GNA14: variants seen among roughly 807,000 people sequenced by gnomAD.
The protein encoded by GNA14 is guanine nucleotide-binding protein subunit alpha-14.
GNA14 carries 50 observed loss-of-function variants against 42.0 expected under a neutral mutation model. That is an observed-to-expected ratio of 1.19 (90% CI 0.95 to 1.51). GNA14 has a LOEUF of 1.51. Among genes scored for constraint, GNA14 ranks in the 40% most tolerant of loss-of-function variants. The probability of loss-of-function intolerance (pLI) is 0.00; values close to 1 mark genes in which losing one functional copy is unlikely to be tolerated. For missense variants in GNA14, 473 were observed against 446.2 expected (o/e 1.06, Z -0.54); for synonymous variants, 173 against 163.1 (o/e 1.06, Z -0.46).
In GNA14 at chr9:77,542,262, G is replaced by A. The variant is rs529640090; in HGVS notation, c.125-13009C>T. Among the ~76,000 whole-genome samples, 145 of 152,274 alleles carry A rather than the reference G, an allele frequency of 9.5e-4. 1 individual carries two copies. The highest frequency in any genetic ancestry group is 3.2e-3 in the African/African-American group (134 of 41,564). On this transcript the variant is annotated intron_variant, in intron 1 of 6. Transcript: ENST00000341700. Reference sequence around the variant, plus strand: ...TATGGCACTATGGCTTTGATTTTGGGTGCATGCAGTTAGTCCTTATATGAT... The same window carrying A: ...TATGGCACTATGGCTTTGATTTTGGATGCATGCAGTTAGTCCTTATATGAT...
At chr9:77,442,441 C>G (rs1310588704) in intron 2 of GNA14, among the ~76,000 whole-genome samples, 1 of 152,192 alleles carries the variant, frequency 6.6e-6, no homozygotes, top group Non-Finnish European at 1.5e-5. Flanking sequence ...TAGGGGAAGA[C>G]AGTGCCCAAG....
intron 2 of GNA14, among the ~76,000 whole-genome samples, chr9:77,452,611 G>GTGGTA (rs1835928262): frequency 1.7e-5 from 1 of 59,558 alleles, no homozygotes; most frequent in Non-Finnish European, 2.7e-5. Context: ...GTATGTGTAT[G>GTGGTA]TGTGTGTATG....
chr9:77,551,856 T>C (rs762983524), intron 1 of GNA14, among the ~76,000 whole-genome samples: 1 of 151,990 alleles, frequency 6.6e-6, no homozygotes, highest in Non-Finnish European at 1.5e-5. Context: ...ATAAAGAAAT[T>C]TGGCCAGGCG....
intron 2 of GNA14, among the ~76,000 whole-genome samples, chr9:77,505,315 A>G (rs991734920): frequency 2.6e-5 from 4 of 152,242 alleles, no homozygotes; most frequent in African/African-American, 9.6e-5. Flanking sequence ...AGGCTCTTTG[A>G]ATAACGGCAT....
chr9:77,542,224 C>T lies in GNA14; in HGVS notation c.125-12971G>A, dbSNP rs1280267283. Among the ~76,000 whole-genome samples the T allele has an allele frequency of 2.6e-5, 4 of 151,824 alleles. No homozygotes were observed. In the East Asian group the frequency reaches 5.8e-4, roughly 22 times the overall value. Reference sequence around the variant, plus strand: ...GATATGTACATCTACTTTTTTGTGACGAGATATATATATATGGCACTATGG... The same window carrying T: ...GATATGTACATCTACTTTTTTGTGATGAGATATATATATATGGCACTATGG... On this transcript the variant is annotated intron_variant, in intron 1 of 6. Coordinates refer to ENST00000341700, the MANE Select transcript of GNA14 (RefSeq NM_004297.4).
At chr9:77,622,512 T>G (rs1823942760) in intron 1 of GNA14, among the ~76,000 whole-genome samples, 1 of 152,082 alleles carries the variant, frequency 6.6e-6, no homozygotes, top group East Asian at 1.9e-4. Context: ...CTCATGCTTG[T>G]AATCCCAGCA....
intron 2 of GNA14, among the ~76,000 whole-genome samples, chr9:77,502,309 TG>T (rs998068841): frequency 2.6e-5 from 4 of 152,190 alleles, no homozygotes; most frequent in African/African-American, 9.6e-5. Flanking sequence ...TCATTCAGTT[TG>T]AGATCTTCCT....
intron 2 of GNA14, among the ~76,000 whole-genome samples, chr9:77,516,780 G>C (rs942894295): frequency 6.6e-5 from 10 of 152,306 alleles, no homozygotes; most frequent in African/African-American, 2.2e-4. Context: ...ACCTGGCATG[G>C]GGGTTAGGAA....
Position 77,529,146 on chromosome 9 carries a change from T to C in GNA14, c.232A>G (p.Asn78Asp), listed in dbSNP as rs1837488739. 2 of 1,614,052 alleles carry C rather than the reference T, an allele frequency of 1.2e-6. No individual in the cohort carries two copies. The highest frequency in any genetic ancestry group is 1.7e-6 in the Non-Finnish European group (2 of 1,179,998). ...ATGGCTTGCATGGCGGTGAATATGT[T>C]TTGGTAAACCAGCTTCGTGAACCCC... The part of the protein sequence containing the change: ...RKGFTKLVYQ[N>D]IFTAMQAMIR... The change falls in exon 2 of 7, where the codon AAC (asparagine) becomes GAC (aspartate). Residue 78 changes from asparagine (N) to aspartate (D), a missense_variant. By Grantham distance (23) the Asn-to-Asp change is conservative. Transcript: ENST00000341700.
intron 2 of GNA14, among the ~76,000 whole-genome samples, chr9:77,490,434 G>T (rs1249351910): frequency 6.6e-6 from 1 of 152,264 alleles, no homozygotes; most frequent in Non-Finnish European, 1.5e-5. Context: ...TGGAGCAGGG[G>T]GCAGCATTCG....
At position 77,434,489 on chromosome 9, in the gene GNA14, C is replaced by G; in HGVS notation, c.343G>C (p.Asp115His). ...NAQIIREVEVDKVSMLSREQV... is the reference protein window; with the variant it reads ...NAQIIREVEVHKVSMLSREQV... ...TCCCTGGAGAGCATGGAGACCTTGT[C>G]CACTTCCACTTCTCTGATTATCTGG... Residue 115 changes from aspartate (D) to histidine (H), a missense_variant, in exon 3 of 7, where the codon GAC (aspartate) becomes CAC (histidine). Asp to His is a moderately conservative substitution (Grantham distance 81). Coordinates refer to ENST00000341700, the MANE Select transcript of GNA14 (RefSeq NM_004297.4). The G allele has an allele frequency of 6.2e-7, 1 of 1,613,784 alleles. No individual in the cohort carries two copies. Among genetic ancestry groups the G allele is most frequent in the Non-Finnish European group, 8.5e-7 (1 of 1,179,806 alleles).
At chr9:77,553,070 A>C (rs2131783349) in intron 1 of GNA14, among the ~76,000 whole-genome samples, 1 of 152,340 alleles carries the variant, frequency 6.6e-6, no homozygotes, top group Admixed American at 6.5e-5. Flanking sequence ...AGGCACATCA[A>C]AGTCCCAAAC....
chr9:77,530,085 C>T (rs571466752), intron 1 of GNA14, among the ~76,000 whole-genome samples: 1 of 152,272 alleles, frequency 6.6e-6, no homozygotes, highest in Admixed American at 6.5e-5. Context: ...ACCACACACA[C>T]TTGATGAAAT....
chr9:77,551,960 T>C (rs80250883), intron 1 of GNA14, among the ~76,000 whole-genome samples: 2 of 151,090 alleles, frequency 1.3e-5, no homozygotes, highest in Non-Finnish European at 2.9e-5. Context: ...GCCAACGTGG[T>C]GAAATCCTGT....
At chr9:77,464,422 G>T (rs1021568377) in intron 2 of GNA14, among the ~76,000 whole-genome samples, 3 of 151,378 alleles carry the variant, frequency 2.0e-5, no homozygotes, top group Non-Finnish European at 4.4e-5. Flanking sequence ...ACCTTTTAGC[G>T]TCACTAACTT....
At chr9:77,626,195 C>G (rs1445508698) in intron 1 of GNA14, among the ~76,000 whole-genome samples, 1 of 152,166 alleles carries the variant, frequency 6.6e-6, no homozygotes, top group African/African-American at 2.4e-5. Context: ...AGCTAACTAT[C>G]CTAAATATAT....
intron 2 of GNA14, among the ~76,000 whole-genome samples, chr9:77,459,900 C>G (rs1366775802): frequency 6.6e-6 from 1 of 152,166 alleles, no homozygotes; most frequent in Admixed American, 6.5e-5. Context: ...CATCCCGCTA[C>G]CCCACTGTGG....
rs138166471 is a variant in GNA14 at position 77,591,654 on chromosome 9, T to C, written c.124+56016A>G. On this transcript the variant is annotated intron_variant, in intron 1 of 6. Transcript: ENST00000341700. The stretch of plus-strand genomic sequence containing the variant: ...TACAGTAGTATGTCATATGGTAGCA[T>C]AGTGCGTGGCTCTCTTTGATCAAAC... Among the ~76,000 whole-genome samples, 35 of 152,346 alleles carry C rather than the reference T, an allele frequency of 2.3e-4. No homozygotes were observed. The East Asian group carries it at 4.8e-3, about 21-fold the overall frequency.
chr9:77,482,691 C>T (rs983603786), intron 2 of GNA14, among the ~76,000 whole-genome samples: 1 of 152,328 alleles, frequency 6.6e-6, no homozygotes, highest in South Asian at 2.1e-4. Flanking sequence ...TTCAGGTACA[C>T]CAATCAGACC....
Sources: allele counts gnomAD v4.1 joint callset (sites outside exome capture counted in the v4.1 genomes callset), GRCh38; gene constraint gnomAD v4.1.1; transcripts MANE v1.5; gene names NCBI Gene and HGNC (gene_info 2026-07-23, HGNC 2026-07-21).